MIGA2: variants seen among roughly 807,000 people sequenced by gnomAD.
MIGA2 encodes the protein family with sequence similarity 73, member B.
A neutral mutation model predicts 69.9 loss-of-function variants in MIGA2; 36 were observed. The observed-to-expected ratio is 0.52, with a 90% CI of 0.39 to 0.68. MIGA2 has a LOEUF of 0.68. Among genes scored for constraint, MIGA2 ranks in the 30% least tolerant of loss-of-function variants. The pLI is 0.00. For synonymous variants in MIGA2, 333 were observed against 349.2 expected, an observed-to-expected ratio of 0.95 and a Z score of 0.52; for missense variants, 660 against 787.7, an observed-to-expected ratio of 0.84 and a Z score of 1.94.
intron 9 of MIGA2, 88 bp from the exon 10 acceptor site, chr9:129,063,156 C>T (rs915594307): frequency 7.3e-7 from 1 of 1,375,112 alleles, no homozygotes; most frequent in Non-Finnish European, 1.0e-6. Context: ...GCCAGAGCCT[C>T]CCCCCTCCCC....
At chr9:129,067,490 C>T in intron 11 of MIGA2, 1 of 430,848 alleles carries the variant, frequency 2.3e-6, no homozygotes, top group Non-Finnish European at 4.2e-6. Context: ...CTCTAACCCT[C>T]ACATTCTGTG....
At position 129,061,240 on chromosome 9, in the gene MIGA2, T is replaced by G; in HGVS notation, c.904T>G (p.Ser302Ala). Residue 302 changes from serine to alanine, a missense_variant, in exon 9 of 16, where the codon TCC becomes GCC. Physicochemically the swap from Ser to Ala is moderately conservative, Grantham distance 99 (BLOSUM62 1). Around this residue, in one of 3 missense-constraint regions of MIGA2, gnomAD observed 386 missense variants for 402.0 expected, o/e 0.96. Coordinates refer to ENST00000684074, the MANE Select transcript of MIGA2 (RefSeq NM_001329990.2). This position sits in a 1 kb window ranked among gnomAD's most constrained non-coding sequence, Gnocchi z 5.0. ...CTGCACCCTCTCCCAGCTCTTTGAG[T>G]CCCTGCAGACTGGAGATTACCCGAT... Reference protein sequence around the residue: ...SFFSATELFESLQTGDYPIPL... With the variant: ...SFFSATELFEALQTGDYPIPL... The G allele has an allele frequency of 6.2e-7, 1 of 1,610,784 alleles. No individual in the cohort carries two copies. Among genetic ancestry groups the G allele is most frequent in the Non-Finnish European group, 8.5e-7 (1 of 1,179,082 alleles).
At chr9:129,056,771 G>A (rs963588788) in intron 6 of MIGA2, among the ~76,000 whole-genome samples, 3 of 101,552 alleles carry the variant, frequency 3.0e-5, no homozygotes, top group South Asian at 3.1e-4. Flanking sequence ...TGCCCGCCTC[G>A]CCCCCCAAAG....
rs902895597 is a variant in MIGA2, at chr9:129,070,751, C to T, written c.*298C>T. On this transcript the variant is annotated 3_prime_UTR_variant, in exon 16 of 16. Transcript: ENST00000684074. ...GGTGGGGGACCCCAAAACCTCCCAT[C>T]GCTCCAGGGCTGCTGACAAGGGTGC... The T allele has an allele frequency of 4.6e-6, 2 of 435,226 alleles. No individual in the cohort carries two copies. The highest frequency in any genetic ancestry group is 2.0e-5 in the African/African-American group (1 of 51,202). The allele number at this position is 435,226 out of a possible 1,614,324, so 27.0% of individuals were successfully genotyped here. A position where few individuals can be genotyped will look rare whatever the true frequency, so the allele number is the denominator to read the frequency against.
At chr9:129,050,402 G>A (rs923359370) in intron 6 of MIGA2, among the ~76,000 whole-genome samples, 5 of 151,996 alleles carry the variant, frequency 3.3e-5, no homozygotes, top group Non-Finnish European at 7.4e-5. Context: ...AGCCTCCTGC[G>A]TAGCTGGGAT....
chr9:129,069,152 G>C lies in MIGA2; in HGVS notation c.1458+23G>C. ...ATGGTGAGTGACTGGCAGGCCCGGGGGAGCACGAGCTGGGCTCTGAGGCAG... is the reference window on the plus strand; with the variant it reads ...ATGGTGAGTGACTGGCAGGCCCGGGCGAGCACGAGCTGGGCTCTGAGGCAG... On this transcript the variant is annotated intron_variant, in intron 14 of 15. Transcript: ENST00000684074. This position sits in a 1 kb window ranked among gnomAD's most constrained non-coding sequence, Gnocchi z 4.9. The C allele has an allele frequency of 6.2e-7, 1 of 1,613,574 alleles. No individual in the cohort carries two copies. Among genetic ancestry groups the C allele is most frequent in the Non-Finnish European group, 8.5e-7 (1 of 1,179,874 alleles).
chr9:129,038,789 C>CTTTTTTTTTTTTTTTTTT (rs869238538), intron 1 of MIGA2, among the ~76,000 whole-genome samples: 17 of 89,074 alleles, frequency 1.9e-4, no homozygotes, highest in African/African-American at 4.9e-4. Context: ...TTTTGTTTGT[C>CTTTTTTTTTTTTTTTTTT]TTTTTTTTTT....
rs751753769 is a variant in MIGA2, at chr9:129,070,467, T to TG, written c.*20dup. On this transcript the variant is annotated 3_prime_UTR_variant, in exon 16 of 16. Coordinates refer to ENST00000684074, the MANE Select transcript of MIGA2 (RefSeq NM_001329990.2). ...GAGCTGCAGTAGAGGCGGCACGGGC[T>TG]GGGGGGTGGCAGAGAGAAGGCTCCT... 5 of 1,528,394 alleles carry TG rather than the reference T, an allele frequency of 3.3e-6. No homozygotes were observed. Among genetic ancestry groups the TG allele is most frequent in the East Asian group, 2.4e-5 (1 of 42,464 alleles). The allele number at this position is 1,528,394 out of a possible 1,614,324, so 94.7% of individuals were successfully genotyped here.
At chr9:129,036,929 C>A (rs1409259359) in intron 1 of MIGA2, 24 of 1,002,206 alleles carry the variant, frequency 2.4e-5, no homozygotes, top group East Asian at 1.1e-4. Context: ...TTGGAGCAGG[C>A]GCGCAGGTAC....
intron 3 of MIGA2, among the ~76,000 whole-genome samples, chr9:129,048,117 G>C (rs1437597761): frequency 6.6e-6 from 1 of 152,232 alleles, no homozygotes; most frequent in East Asian, 1.9e-4. Flanking sequence ...CCCAGAGAAG[G>C]CTAAGCAAGG....
At chr9:129,049,627 T>G in intron 5 of MIGA2, 129 bp downstream of exon 5, 1 of 1,241,136 alleles carries the variant, frequency 8.1e-7, no homozygotes. Context: ...CTGGGTGATT[T>G]CCAGCCATTT....
At chr9:129,057,679 A>G (rs1163180860) in intron 6 of MIGA2, among the ~76,000 whole-genome samples, 1 of 151,424 alleles carries the variant, frequency 6.6e-6, no homozygotes, top group Non-Finnish European at 1.5e-5. Context: ...ATTATGGCTC[A>G]CTGCAACCTC....
chr9:129,053,885 C>T (rs1157940154), intron 6 of MIGA2, among the ~76,000 whole-genome samples: 1 of 151,722 alleles, frequency 6.6e-6, no homozygotes, highest in Non-Finnish European at 1.5e-5. Context: ...AGTGCAGTGG[C>T]GTGACCAATT....
rs1296390826 is a variant in MIGA2 at position 129,060,570 on chromosome 9, C to G, written c.814C>G (p.Leu272Val). The change falls in exon 8 of 16, where the codon CTG becomes GTG. Residue 272 changes from leucine (L) to valine (V), a missense_variant. Around this residue, in one of 3 missense-constraint regions of MIGA2, gnomAD observed 386 missense variants for 402.0 expected, o/e 0.96. Coordinates refer to ENST00000684074, the MANE Select transcript of MIGA2 (RefSeq NM_001329990.2). The surrounding 1 kb of genome is among the most constrained non-coding windows in gnomAD (Gnocchi z 4.8). ...CCCAGAGAGGACCCTCATGCTGCCC[C>G]TGACCGAGGGCTCGCTGCGGCTGCG... ...LDLERTLMLP[L>V]TEGSLRLRAD... 6 of 1,602,696 alleles carry G rather than the reference C, an allele frequency of 3.7e-6. No individual in the cohort carries two copies. The highest frequency in any genetic ancestry group is 3.4e-5 in the Admixed American group (2 of 58,798).
chr9:129,049,323 G>T (rs866946967), intron 4 of MIGA2, 58 bp from the exon 5 acceptor site: 8 of 1,538,686 alleles, frequency 5.2e-6, no homozygotes, highest in South Asian at 3.4e-5. Context: ...GCTCAGGGGG[G>T]CCCTGCAGAG....
Position 129,060,749 on chromosome 9 carries a change from T to G in MIGA2, c.894+99T>G, listed in dbSNP as rs1846027731. The G allele has an allele frequency of 1.0e-6, 1 of 965,692 alleles. No homozygotes were observed. The highest frequency in any genetic ancestry group is 1.7e-5 in the African/African-American group (1 of 60,238). The allele number at this position is 965,692 out of a possible 1,614,324, so 59.8% of individuals were successfully genotyped here. A position where few individuals can be genotyped will look rare whatever the true frequency, so the allele number is the denominator to read the frequency against. On this transcript the variant is annotated intron_variant, in intron 8 of 15. Transcript: ENST00000684074. This position sits in a 1 kb window ranked among gnomAD's most constrained non-coding sequence, Gnocchi z 4.8. ...CTGGGTCATGGGAAAGTGGAGGCAT[T>G]TCCTCTGATGGGAGAATTTGGATGC... is the stretch of plus-strand genomic sequence containing the variant.
intron 10 of MIGA2, 31 bp downstream of exon 10, chr9:129,063,347 G>A: frequency 3.1e-6 from 5 of 1,610,138 alleles, no homozygotes; most frequent in Non-Finnish European, 4.2e-6. Context: ...CCTCGGGGGT[G>A]GGAGGCAAGG....
intron 9 of MIGA2, among the ~76,000 whole-genome samples, chr9:129,062,743 C>T (rs548096440): frequency 1.3e-5 from 2 of 152,014 alleles, no homozygotes; most frequent in South Asian, 4.1e-4. Flanking sequence ...ACTTGGGAGG[C>T]TGAGGCAGGA....
At position 129,069,698 on chromosome 9, in the gene MIGA2, C is replaced by T. The variant is rs749420377; in HGVS notation, c.1459-151C>T. Reference sequence around the variant, plus strand: ...TGTCTGCAGAAGTTAAAATGGGCTTCGAAAGCTTGAGTCACTGCCCAGGGT... The same window carrying T: ...TGTCTGCAGAAGTTAAAATGGGCTTTGAAAGCTTGAGTCACTGCCCAGGGT... On this transcript the variant is annotated intron_variant, in intron 14 of 15. Transcript: ENST00000684074. This position sits in a 1 kb window ranked among gnomAD's most constrained non-coding sequence, Gnocchi z 4.9. The T allele has an allele frequency of 1.3e-5, 9 of 689,888 alleles. No individual in the cohort carries two copies. Among genetic ancestry groups the T allele is most frequent in the Admixed American group, 8.6e-5 (4 of 46,614 alleles). The allele number at this position is 689,888 out of a possible 1,614,324, so 42.7% of individuals were successfully genotyped here.
Sources: gnomAD v4.1 joint callset for allele counts (sites outside exome capture counted in the v4.1 genomes callset) on GRCh38, gnomAD v4.1.1 for gene constraint, gnomAD v4.1.1 regional missense constraint, Gnocchi (gnomAD v3.1) non-coding constraint, MANE v1.5 for transcripts, NCBI Gene and HGNC (gene_info 2026-07-23, HGNC 2026-07-21) for gene names.